The following PIK3C2G variants were observed in gnomAD, a reference collection of about 807,000 sequenced individuals.
PIK3C2G encodes phosphatidylinositol-4-phosphate 3-kinase catalytic subunit type 2 gamma, also known as phosphatidylinositol 3-kinase C2 domain-containing subunit gamma.
Under a neutral mutation model 181.1 loss-of-function variants are expected in PIK3C2G, and 168 were observed. The observed-to-expected ratio is 0.93, with a 90% confidence interval of 0.82 to 1.05. PIK3C2G has a LOEUF of 1.05. Among genes scored for constraint, PIK3C2G ranks in the 50% least tolerant of loss-of-function variants. The pLI, the probability that PIK3C2G is intolerant of heterozygous loss-of-function variation, is 0.00. For synonymous variants in PIK3C2G, 573 were observed against 592.2 expected, an observed-to-expected ratio of 0.97 and a Z score of 0.47; for missense variants, 1,869 against 1,732.8, an observed-to-expected ratio of 1.08 and a Z score of -1.40.
chr12:18,578,399 C>T (rs988772184), intron 29 of PIK3C2G, among the ~76,000 whole-genome samples: 4 of 152,008 alleles, frequency 2.6e-5, no homozygotes, highest in African/African-American at 7.2e-5. Context: ...ATGATGTCAT[C>T]AGATGTTGCT....
intron 2 of PIK3C2G, among the ~76,000 whole-genome samples, chr12:18,285,961 G>A (rs1209534613): frequency 6.6e-6 from 1 of 151,710 alleles, no homozygotes; most frequent in East Asian, 1.9e-4. Context: ...AAGAAACAAA[G>A]GCAGAGATAG....
At chr12:18,685,197 A>G in the PIK3C2G span, among the ~76,000 whole-genome samples, 1 of 152,060 alleles carries the variant, frequency 6.6e-6, no homozygotes, top group Non-Finnish European at 1.5e-5. Context: ...CCTTCTTTAG[A>G]CTAAGTGCTC....
chr12:18,705,949 G>A, the PIK3C2G span, among the ~76,000 whole-genome samples: 2 of 144,768 alleles, frequency 1.4e-5, no homozygotes, highest in African/African-American at 5.1e-5. Context: ...AAGGCAGGAC[G>A]AGCATGGTGG....
the PIK3C2G span, among the ~76,000 whole-genome samples, chr12:18,710,082 C>T: frequency 3.3e-5 from 5 of 151,110 alleles, no homozygotes; most frequent in Admixed American, 3.3e-4. Context: ...TTTTTACATA[C>T]AGGATTATGT....
chr12:18,499,121 TA>T (rs1329020304), intron 22 of PIK3C2G, among the ~76,000 whole-genome samples: 1 of 152,214 alleles, frequency 6.6e-6, no homozygotes, highest in African/African-American at 2.4e-5. Flanking sequence ...ATCTTTTAGT[TA>T]ATAAAATAAT....
chr12:18,610,466 A>C (rs1948276492), intron 31 of PIK3C2G, among the ~76,000 whole-genome samples: 1 of 152,142 alleles, frequency 6.6e-6, no homozygotes, highest in Non-Finnish European at 1.5e-5. Context: ...TTGGTGAACA[A>C]ATAATTGGCA....
intron 30 of PIK3C2G, among the ~76,000 whole-genome samples, chr12:18,606,017 G>T (rs1306810411): frequency 6.6e-6 from 1 of 152,064 alleles, no homozygotes; most frequent in African/African-American, 2.4e-5. Context: ...TCTTAGCCTG[G>T]CATACAGTCA....
At chr12:18,397,201 G>A (rs1039984613) in intron 15 of PIK3C2G, among the ~76,000 whole-genome samples, 1 of 150,394 alleles carries the variant, frequency 6.6e-6, no homozygotes, top group African/African-American at 2.4e-5. Context: ...GTAAAATACT[G>A]CTTTCAGAAT....
intron 24 of PIK3C2G, among the ~76,000 whole-genome samples, chr12:18,531,453 A>G (rs896710376): frequency 6.6e-6 from 1 of 152,174 alleles, no homozygotes. Flanking sequence ...ACTGATATCA[A>G]TACATTCAAA....
chr12:18,246,200 G>A (rs1412809688), upstream of PIK3C2G, among the ~76,000 whole-genome samples: 3 of 152,104 alleles, frequency 2.0e-5, no homozygotes, highest in South Asian at 2.1e-4. Context: ...TAAAAGGACA[G>A]TTGGGTGCTT....
intron 4 of PIK3C2G, among the ~76,000 whole-genome samples, chr12:18,292,237 T>A (rs1237778190): frequency 0.078 from 8,621 of 110,930 alleles, 830 homozygotes; most frequent in Non-Finnish European, 0.12. Context: ...AATATATATA[T>A]ATATATATAT....
the PIK3C2G span, among the ~76,000 whole-genome samples, chr12:18,677,328 G>A: frequency 6.6e-6 from 1 of 152,134 alleles, no homozygotes; most frequent in Non-Finnish European, 1.5e-5. Flanking sequence ...GACATAGGCT[G>A]AATCAGCACC....
the PIK3C2G span, among the ~76,000 whole-genome samples, chr12:18,710,790 T>C: frequency 6.6e-6 from 1 of 152,070 alleles, no homozygotes; most frequent in Non-Finnish European, 1.5e-5. Context: ...AAAATGCTCA[T>C]CATCACTGGC....
In PIK3C2G at chr12:18,403,243, G is replaced by A. The variant is rs370617587; in HGVS notation, c.2315+3396G>A. 8.5e-5 allele frequency among the ~76,000 whole-genome samples: 13 copies of A among 152,230 alleles called. 1 individual carries two copies. The highest frequency in any genetic ancestry group is 6.2e-4 in the South Asian group (3 of 4,830). Reference sequence around the variant, plus strand: ...GGTTATGGGGACTGATTTTAAAGTAGAAGGTGTTTATTAAACTTCATTCAG... The same window carrying A: ...GGTTATGGGGACTGATTTTAAAGTAAAAGGTGTTTATTAAACTTCATTCAG... On this transcript the variant is annotated intron_variant, in intron 16 of 32. Coordinates refer to ENST00000538779, the MANE Select transcript of PIK3C2G (RefSeq NM_001288772.2).
chr12:18,331,675 C>T (rs1236297048), intron 8 of PIK3C2G, among the ~76,000 whole-genome samples: 1 of 151,944 alleles, frequency 6.6e-6, no homozygotes, highest in East Asian at 1.9e-4. Context: ...TAATTTAACA[C>T]TTACTGAGTC....
chr12:18,264,935 ATCTG>A (rs1723996701), intron 1 of PIK3C2G, among the ~76,000 whole-genome samples: 1 of 152,200 alleles, frequency 6.6e-6, no homozygotes, highest in Non-Finnish European at 1.5e-5. Flanking sequence ...TGCATGGGGC[ATCTG>A]AACATTTGCT....
chr12:18,465,939 A>G (rs1386268777), intron 18 of PIK3C2G, among the ~76,000 whole-genome samples: 1 of 150,994 alleles, frequency 6.6e-6, no homozygotes, highest in Non-Finnish European at 1.5e-5. Context: ...TGTCTTTTTT[A>G]TTGTTATTCT....
chr12:18,381,546 A>G (rs959106002), intron 13 of PIK3C2G, among the ~76,000 whole-genome samples: 2 of 152,236 alleles, frequency 1.3e-5, no homozygotes, highest in Non-Finnish European at 2.9e-5. Flanking sequence ...TGCAAAATAA[A>G]TGTAGGCATT....
chr12:18,346,447 T>C (rs935061789), intron 10 of PIK3C2G, among the ~76,000 whole-genome samples, 194 bp from the exon 11 acceptor site: 1 of 152,210 alleles, frequency 6.6e-6, no homozygotes, highest in Non-Finnish European at 1.5e-5. Flanking sequence ...AGAAAGCTTA[T>C]TGATGTCTAA....
Sources: allele counts gnomAD v4.1 joint callset (sites outside exome capture counted in the v4.1 genomes callset), GRCh38; gene constraint gnomAD v4.1.1; transcripts MANE v1.5; gene names NCBI Gene and HGNC (gene_info 2026-07-23, HGNC 2026-07-21).